PKIB: variants seen among roughly 807,000 people sequenced by gnomAD.
PKIB encodes the protein PKI-beta.
PKIB carries 2 observed loss-of-function variants against 4.5 expected under a neutral mutation model. The observed-to-expected ratio is 0.44, with a 90% CI of 0.18 to 1.39. The LOEUF (loss-of-function observed/expected upper bound fraction) is 1.39, where lower values mean the gene tolerates loss of function less well. Among genes scored for constraint, PKIB ranks in the 40% most tolerant of loss-of-function variants. The probability of loss-of-function intolerance (pLI) is 0.27; values close to 1 mark genes in which losing one functional copy is unlikely to be tolerated. For missense variants in PKIB, 94 were observed against 92.6 expected, an observed-to-expected ratio of 1.02 and a Z score of -0.06; for synonymous variants, 38 against 36.0, an observed-to-expected ratio of 1.06 and a Z score of -0.20.
intron 2 of PKIB, among the ~76,000 whole-genome samples, chr6:122,513,830 A>G (rs1003759703): frequency 5.3e-5 from 8 of 152,236 alleles, no homozygotes; most frequent in African/African-American, 7.2e-5. Context: ...AAATAGCTGC[A>G]TAGTATTGCA....
intron 3 of PKIB, among the ~76,000 whole-genome samples, chr6:122,717,145 G>A (rs1779529875): frequency 6.6e-6 from 1 of 152,006 alleles, no homozygotes; most frequent in African/African-American, 2.4e-5. Flanking sequence ...GAGATAAAGG[G>A]TGCTTAGGAA....
intron 1 of PKIB, among the ~76,000 whole-genome samples, chr6:122,618,924 C>G (rs1465483409): frequency 2.0e-5 from 3 of 151,982 alleles, no homozygotes; most frequent in Non-Finnish European, 4.4e-5. Flanking sequence ...AGTTTACATT[C>G]AAAATAATAC....
At chr6:122,552,659 C>G (rs144284917) in intron 2 of PKIB, among the ~76,000 whole-genome samples, 1 of 152,060 alleles carries the variant, frequency 6.6e-6, no homozygotes, top group East Asian at 1.9e-4. Context: ...ATTACAGGCA[C>G]GAGCCACCAC....
intron 2 of PKIB, among the ~76,000 whole-genome samples, chr6:122,561,619 G>A (rs886875200): frequency 2.0e-5 from 3 of 151,588 alleles, no homozygotes; most frequent in African/African-American, 7.3e-5. Context: ...TATATGTTTA[G>A]GATTGTAATA....
At chr6:122,491,513 C>G (rs184958612) in intron 2 of PKIB, among the ~76,000 whole-genome samples, 1 of 152,142 alleles carries the variant, frequency 6.6e-6, no homozygotes, top group Non-Finnish European at 1.5e-5. Context: ...CCGCTCATGC[C>G]TGGCTAGCTA....
At chr6:122,531,686 G>C (rs1218250879) in intron 2 of PKIB, among the ~76,000 whole-genome samples, 2 of 152,128 alleles carry the variant, frequency 1.3e-5, no homozygotes, top group Non-Finnish European at 2.9e-5. Context: ...CTTCTGGTAA[G>C]GGTTTCCTAA....
intron 2 of PKIB, among the ~76,000 whole-genome samples, chr6:122,496,140 C>CCTGCTTG (rs1776071541): frequency 6.6e-6 from 1 of 152,154 alleles, no homozygotes; most frequent in Non-Finnish European, 1.5e-5. Flanking sequence ...ACACAACTAC[C>CCTGCTTG]TGCTTGTGCT....
At chr6:122,617,078 G>C (rs9490498) in intron 1 of PKIB, among the ~76,000 whole-genome samples, 91,180 of 151,992 alleles carry the variant, frequency 0.6, 28,897 homozygotes, top group Non-Finnish European at 0.72. Context: ...TTCTTAGCCA[G>C]TGGCTGAGCA....
chr6:122,642,575 C>G (rs1776162930), intron 2 of PKIB, among the ~76,000 whole-genome samples: 1 of 152,130 alleles, frequency 6.6e-6, no homozygotes, highest in African/African-American at 2.4e-5. Context: ...TCTTCTCACT[C>G]TATCCCATTT....
intron 1 of PKIB, among the ~76,000 whole-genome samples, chr6:122,475,992 A>T (rs1010967105): frequency 2.0e-5 from 3 of 152,294 alleles, no homozygotes; most frequent in Admixed American, 1.3e-4. Flanking sequence ...TAAATGATCT[A>T]TATCTCTGAA....
chr6:122,654,068 C>T (rs1435403105), intron 2 of PKIB, among the ~76,000 whole-genome samples: 2 of 152,188 alleles, frequency 1.3e-5, no homozygotes, highest in African/African-American at 4.8e-5. Context: ...ATATGCACCT[C>T]TATTTTATTT....
At chr6:122,604,319 T>C (rs953900929) in intron 3 of PKIB, among the ~76,000 whole-genome samples, 17 of 152,340 alleles carry the variant, frequency 1.1e-4, no homozygotes, top group African/African-American at 3.8e-4. Flanking sequence ...GTCTGTAAGA[T>C]TGGATGGCAA....
chr6:122,492,775 G>T (rs1280217249), intron 2 of PKIB, among the ~76,000 whole-genome samples: 1 of 146,874 alleles, frequency 6.8e-6, no homozygotes, highest in African/African-American at 2.5e-5. Context: ...AAGAGAAAGA[G>T]TTTTTTTTTT....
intron 2 of PKIB, among the ~76,000 whole-genome samples, chr6:122,641,938 C>T (rs1184062922): frequency 6.6e-6 from 1 of 152,128 alleles, no homozygotes; most frequent in East Asian, 1.9e-4. Flanking sequence ...GATGATCTGC[C>T]CAACTCGGCC....
intron 2 of PKIB, among the ~76,000 whole-genome samples, chr6:122,493,837 T>C (rs1776003966): frequency 6.6e-6 from 1 of 152,180 alleles, no homozygotes; most frequent in Non-Finnish European, 1.5e-5. Flanking sequence ...TCTAGTTATA[T>C]TGAATTCTGG....
At chr6:122,525,289 T>A (rs1280884148) in intron 2 of PKIB, among the ~76,000 whole-genome samples, 2 of 152,214 alleles carry the variant, frequency 1.3e-5, no homozygotes, top group African/African-American at 4.8e-5. Flanking sequence ...ATTTACAGTT[T>A]CATTCTATTG....
intron 3 of PKIB, among the ~76,000 whole-genome samples, chr6:122,603,395 G>C (rs1197587135): frequency 6.6e-6 from 1 of 152,156 alleles, no homozygotes; most frequent in East Asian, 1.9e-4. Flanking sequence ...TCTAATCTTA[G>C]ATCTAACCCA....
At chr6:122,692,085 A>C (rs1313337056) in intron 3 of PKIB, among the ~76,000 whole-genome samples, 4 of 152,250 alleles carry the variant, frequency 2.6e-5, no homozygotes, top group Non-Finnish European at 5.9e-5. Flanking sequence ...AGCTGGAAGA[A>C]GGGTGACACA....
chr6:122,676,938 G>A (rs1270894626), intron 3 of PKIB, among the ~76,000 whole-genome samples: 2 of 152,144 alleles, frequency 1.3e-5, no homozygotes, highest in African/African-American at 2.4e-5. Context: ...TATTAACAAT[G>A]ACATTAACCT....
Sources: gnomAD v4.1 joint callset for allele counts (sites outside exome capture counted in the v4.1 genomes callset) on GRCh38, gnomAD v4.1.1 for gene constraint, MANE v1.5 for transcripts, NCBI Gene and HGNC (gene_info 2026-07-23, HGNC 2026-07-21) for gene names.